The following NUDT3 variants were observed in gnomAD, a reference collection of about 807,000 sequenced individuals.
NUDT3 encodes diphosphoinositol polyphosphate phosphohydrolase 1.
In NUDT3, 9 loss-of-function variants were observed where a neutral mutation model predicts 23.6. That is an observed-to-expected ratio of 0.38 (90% confidence interval 0.23 to 0.66). The LOEUF (loss-of-function observed/expected upper bound fraction) is 0.66. Ranked by LOEUF, NUDT3 falls within the 30% of genes least tolerant of loss-of-function variation. The pLI is 0.52. For missense variants in NUDT3, 172 were observed against 218.5 expected (o/e 0.79, Z 1.34); for synonymous variants, 86 against 82.6 (o/e 1.04, Z -0.22).
At chr6:34,367,844 C>CA (rs1334027793) in intron 1 of NUDT3, among the ~76,000 whole-genome samples, 1 of 152,160 alleles carries the variant, frequency 6.6e-6, no homozygotes, top group Non-Finnish European at 1.5e-5. Context: ...GTGCCATGGG[C>CA]AAAACTGGCT....
At chr6:34,360,015 G>A (rs1764622127) in intron 1 of NUDT3, among the ~76,000 whole-genome samples, 1 of 152,094 alleles carries the variant, frequency 6.6e-6, no homozygotes, top group Non-Finnish European at 1.5e-5. Context: ...GATTGCTTGA[G>A]TCCAGGAGTT....
intron 1 of NUDT3, among the ~76,000 whole-genome samples, chr6:34,347,402 A>G (rs1051092491): frequency 1.3e-5 from 2 of 152,184 alleles, no homozygotes; most frequent in African/African-American, 4.8e-5. Flanking sequence ...GAGACAGGTG[A>G]TATCTACGCA....
chr6:34,391,812 A>T (rs2113776260), intron 1 of NUDT3, among the ~76,000 whole-genome samples: 1 of 133,332 alleles, frequency 7.5e-6, no homozygotes, highest in East Asian at 2.3e-4. Flanking sequence ...CAAACCTGCC[A>T]ATGAAGTGCA....
chr6:34,320,590 C>T (rs1763925959), intron 2 of NUDT3, among the ~76,000 whole-genome samples: 1 of 152,046 alleles, frequency 6.6e-6, no homozygotes, highest in Admixed American at 6.5e-5. Flanking sequence ...ATCTCAGCAC[C>T]CTGGGAGGCC....
At chr6:34,371,973 T>C (rs910260640) in intron 1 of NUDT3, among the ~76,000 whole-genome samples, 1 of 152,204 alleles carries the variant, frequency 6.6e-6, no homozygotes, top group Non-Finnish European at 1.5e-5. Context: ...AATTCCCACC[T>C]ATAAGTGAGA....
At chr6:34,337,876 A>G (rs929485936) in intron 2 of NUDT3, among the ~76,000 whole-genome samples, 1 of 152,346 alleles carries the variant, frequency 6.6e-6, no homozygotes, top group African/African-American at 2.4e-5. Context: ...TCTTGTAATA[A>G]TCTGTCTGAA....
intron 1 of NUDT3, among the ~76,000 whole-genome samples, chr6:34,342,671 G>A (rs1252876275): frequency 6.6e-6 from 1 of 152,300 alleles, no homozygotes; most frequent in East Asian, 1.9e-4. Flanking sequence ...ACCCCTCTCT[G>A]TAGGAAAGAT....
At chr6:34,312,203 A>G (rs1261067133) in intron 2 of NUDT3, among the ~76,000 whole-genome samples, 1 of 152,138 alleles carries the variant, frequency 6.6e-6, no homozygotes, top group Admixed American at 6.6e-5. Flanking sequence ...GGAGTTCAAG[A>G]CCAGCCTGGC....
chr6:34,369,307 T>C (rs759941610), intron 1 of NUDT3, among the ~76,000 whole-genome samples: 2 of 152,232 alleles, frequency 1.3e-5, no homozygotes, highest in Non-Finnish European at 2.9e-5. Context: ...CAACATTATT[T>C]ACAAAAGGAT....
At chr6:34,333,951 A>G (rs1322107957) in intron 2 of NUDT3, among the ~76,000 whole-genome samples, 1 of 152,244 alleles carries the variant, frequency 6.6e-6, no homozygotes, top group Non-Finnish European at 1.5e-5. Context: ...GACAGGAAAA[A>G]CACAAAATAA....
At chr6:34,387,415 G>C (rs1765123892) in intron 1 of NUDT3, among the ~76,000 whole-genome samples, 1 of 152,080 alleles carries the variant, frequency 6.6e-6, no homozygotes. Context: ...ATGTGTGTTT[G>C]TGTCTTTGTT....
chr6:34,359,874 C>T (rs1764620121), intron 1 of NUDT3, among the ~76,000 whole-genome samples: 1 of 152,150 alleles, frequency 6.6e-6, no homozygotes, highest in South Asian at 2.1e-4. Flanking sequence ...ATTCTGCATT[C>T]CCACCAGCAA....
intron 2 of NUDT3, among the ~76,000 whole-genome samples, chr6:34,320,022 C>A (rs950338960): frequency 6.6e-6 from 1 of 152,278 alleles, no homozygotes; most frequent in Admixed American, 6.5e-5. Context: ...AATATCACAA[C>A]AGTAAAGAGA....
intron 1 of NUDT3, among the ~76,000 whole-genome samples, chr6:34,374,156 CAAA>C (rs397888346): frequency 0.13 from 8,633 of 64,304 alleles, 365 homozygotes; most frequent in Non-Finnish European, 0.2. Context: ...GGCTCCCTCT[CAAA>C]AAAAAAAAAA....
chr6:34,372,965 C>G (rs888453190), intron 1 of NUDT3, among the ~76,000 whole-genome samples: 1 of 151,054 alleles, frequency 6.6e-6, no homozygotes, highest in Non-Finnish European at 1.5e-5. Context: ...AATATATATA[C>G]ATAGAGAGAG....
At chr6:34,368,927 C>A (rs368583823) in intron 1 of NUDT3, among the ~76,000 whole-genome samples, 2 of 152,140 alleles carry the variant, frequency 1.3e-5, no homozygotes, top group African/African-American at 4.8e-5. Flanking sequence ...AGTGAGCCAC[C>A]GCGCCCGGCC....
intron 1 of NUDT3, among the ~76,000 whole-genome samples, chr6:34,362,785 A>G (rs773867506): frequency 3.9e-5 from 6 of 152,146 alleles, no homozygotes; most frequent in Non-Finnish European, 8.8e-5. Flanking sequence ...ATATAACCTA[A>G]TTAAATTCTC....
At chr6:34,353,226 G>A (rs1004287759) in intron 1 of NUDT3, among the ~76,000 whole-genome samples, 1 of 151,982 alleles carries the variant, frequency 6.6e-6, no homozygotes, top group Non-Finnish European at 1.5e-5. Context: ...TTAAATCCTG[G>A]AGATCATTTT....
intron 4 of NUDT3, among the ~76,000 whole-genome samples, chr6:34,289,920 T>C (rs551193125): frequency 3.3e-4 from 50 of 152,334 alleles, no homozygotes; most frequent in African/African-American, 1.1e-3. Flanking sequence ...AATTGGATCA[T>C]GCTTTCAGGT....
Sources: allele counts gnomAD v4.1 joint callset (sites outside exome capture counted in the v4.1 genomes callset), GRCh38; gene constraint gnomAD v4.1.1; transcripts MANE v1.5; gene names NCBI Gene and HGNC (gene_info 2026-07-23, HGNC 2026-07-21).